Variants in FERMT3 observed in about 807,000 individuals in gnomAD.
FERMT3 encodes fermitin family homolog 3.
Under a neutral mutation model 80.8 loss-of-function variants are expected in FERMT3, and 33 were observed. The ratio of observed to expected loss-of-function variants is 0.41; its 90% confidence interval spans 0.31 to 0.55. The LOEUF is 0.55. Among genes scored for constraint, FERMT3 ranks in the 20% least tolerant of loss-of-function variants. The probability of loss-of-function intolerance (pLI) is 0.31; values close to 1 mark genes in which losing one functional copy is unlikely to be tolerated. For missense variants in FERMT3, 754 were observed against 908.7 expected (o/e 0.83, Z 2.19); for synonymous variants, 375 against 372.2 (o/e 1.01, Z -0.09).
chr11:64,221,029 T>A lies in FERMT3; in HGVS notation c.1559T>A (p.Ile520Asn). Residue 520 changes from isoleucine (I) to asparagine (N), a missense_variant, in exon 13 of 15, where the codon ATC becomes AAC. Transcript: ENST00000345728. ...KFKAKQLTPR[I>N]LEAHQNVAQL... ...ATGGTCCCGCAGCTCACCCCACGGA[T>A]CCTGGAAGCCCACCAGAATGTGGCC... The A allele has an allele frequency of 1.9e-6, 3 of 1,612,618 alleles. No homozygotes were observed. The highest frequency in any genetic ancestry group is 2.5e-6 in the Non-Finnish European group (3 of 1,179,970).
At chr11:64,222,982 A>G in intron 13 of FERMT3, 66 bp from the exon 14 acceptor site, 3 of 1,603,828 alleles carry the variant, frequency 1.9e-6, no homozygotes, top group Non-Finnish European at 2.6e-6. Flanking sequence ...ACGGCGCCAC[A>G]TTGTCTGGGC....
chr11:64,212,121 G>A (rs923212902), intron 6 of FERMT3, among the ~76,000 whole-genome samples: 1 of 152,204 alleles, frequency 6.6e-6, no homozygotes, highest in South Asian at 2.1e-4. Flanking sequence ...CTCTGGGAAG[G>A]CTTCCTGGAG....
chr11:64,217,318 G>T (rs1946572910), intron 6 of FERMT3, among the ~76,000 whole-genome samples: 1 of 152,188 alleles, frequency 6.6e-6, no homozygotes, highest in Non-Finnish European at 1.5e-5. Context: ...GGGAGGCCAA[G>T]GCAGGTGGAT....
At chr11:64,216,795 CAAAAAA>C (rs756054156) in intron 6 of FERMT3, among the ~76,000 whole-genome samples, 4 of 35,178 alleles carry the variant, frequency 1.1e-4, no homozygotes, top group Non-Finnish European at 2.4e-4. Flanking sequence ...GACTCCATCT[CAAAAAA>C]AAAAAAAAAA....
At chr11:64,218,445 A>T (rs4587731) in intron 6 of FERMT3, among the ~76,000 whole-genome samples, 5,799 of 152,210 alleles carry the variant, frequency 0.038, 368 homozygotes, top group African/African-American at 0.13. Flanking sequence ...CTGGGACTAC[A>T]GGCACGCACC....
intron 6 of FERMT3, among the ~76,000 whole-genome samples, chr11:64,215,962 G>C (rs1188002473): frequency 6.6e-6 from 1 of 151,802 alleles, no homozygotes; most frequent in African/African-American, 2.4e-5. Flanking sequence ...CTCCTGAGTA[G>C]CTGGGATTAT....
At chr11:64,218,026 CG>C (rs1161504612) in intron 6 of FERMT3, among the ~76,000 whole-genome samples, 473 of 111,808 alleles carry the variant, frequency 4.2e-3, no homozygotes, top group African/African-American at 0.015. Flanking sequence ...TTTTTTGTGA[CG>C]GAGTCTCGCT....
rs1382227087 is a variant in FERMT3 at position 64,220,208 on chromosome 11, C to T, written c.1205-12C>T. 8 of 1,613,138 alleles carry T rather than the reference C, an allele frequency of 5.0e-6. No homozygotes were observed. The South Asian group carries it at 7.7e-5, about 15-fold the overall frequency. On this transcript the variant is annotated splice_polypyrimidine_tract_variant and intron_variant, in intron 10 of 14. Coordinates refer to ENST00000345728, the MANE Select transcript of FERMT3 (RefSeq NM_031471.6). The stretch of plus-strand genomic sequence containing the variant: ...CTCCCGACCTCCTAGACCACCCCTT[C>T]TCTCCCTCCAGGCTGTGAGGTGGTT...
intron 2 of FERMT3, among the ~76,000 whole-genome samples, chr11:64,208,555 C>T (rs11600628): frequency 0.11 from 16,560 of 152,262 alleles, 1,148 homozygotes; most frequent in Non-Finnish European, 0.16. Context: ...CGGGCCAGTC[C>T]CTGGCCTCCT....
chr11:64,213,341 A>G (rs1946483116), intron 6 of FERMT3, among the ~76,000 whole-genome samples: 1 of 148,614 alleles, frequency 6.7e-6, no homozygotes, highest in Non-Finnish European at 1.5e-5. Flanking sequence ...GAGTTTCACC[A>G]TATTGGTCAG....
chr11:64,223,711 G>C lies in FERMT3; in HGVS notation c.*219G>C. The C allele has an allele frequency of 1.3e-6, 1 of 753,034 alleles. No homozygotes were observed. Among genetic ancestry groups the C allele is most frequent in the Non-Finnish European group, 2.1e-6 (1 of 466,484 alleles). 46.6% of individuals were successfully genotyped at this position (753,034 alleles called of 1,614,324 possible). ...GGGGTGGGGGTCCCTGAGCTCATGT[G>C]GTGCCCCCTTTCCTTGTCTGAGTGG... is the stretch of plus-strand genomic sequence containing the variant. On this transcript the variant is annotated 3_prime_UTR_variant, in exon 15 of 15. Coordinates refer to ENST00000345728, the MANE Select transcript of FERMT3 (RefSeq NM_031471.6).
intron 6 of FERMT3, among the ~76,000 whole-genome samples, chr11:64,213,588 G>T (rs1380098721): frequency 1.7e-5 from 2 of 115,752 alleles, no homozygotes; most frequent in Non-Finnish European, 3.3e-5. Flanking sequence ...ATGGAGTCTT[G>T]CTCTTGTTGC....
intron 13 of FERMT3, among the ~76,000 whole-genome samples, 161 bp downstream of exon 13, chr11:64,221,301 G>A (rs571897303): frequency 6.6e-6 from 1 of 152,296 alleles, no homozygotes; most frequent in Admixed American, 6.5e-5. Flanking sequence ...CCCCATGTGT[G>A]CCCCTCATGC....
chr11:64,222,687 T>C (rs1946733869), intron 13 of FERMT3, among the ~76,000 whole-genome samples: 1 of 152,140 alleles, frequency 6.6e-6, no homozygotes, highest in African/African-American at 2.4e-5. Context: ...AAGACAGGGC[T>C]AGCGGTGGAT....
intron 6 of FERMT3, among the ~76,000 whole-genome samples, chr11:64,216,628 C>G (rs1397133559): frequency 1.3e-5 from 2 of 150,468 alleles, no homozygotes; most frequent in Non-Finnish European, 3.0e-5. Flanking sequence ...AACCCTGTCT[C>G]TACTAAAAAT....
At position 64,210,908 on chromosome 11, in the gene FERMT3, T is replaced by G. The variant is rs1946421257; in HGVS notation, c.394+64T>G. ...ATGCAAAGAGGCAGGTTCCCCCGTT[T>G]CCAGGCCCAGCTCTGTTGACGCTGT... On this transcript the variant is annotated intron_variant, in intron 3 of 14. Transcript: ENST00000345728. This position sits in a 1 kb window ranked among gnomAD's most constrained non-coding sequence, Gnocchi z 4.3. 1.2e-6 allele frequency: 2 copies of G among 1,609,294 alleles called. No homozygotes were observed. Among genetic ancestry groups the G allele is most frequent in the South Asian group, 1.1e-5 (1 of 91,008 alleles).
rs749484815 is a variant in FERMT3 at position 64,211,184 on chromosome 11, G to C, written c.514+13G>C. ...GTCTTGGCTGGGGGTGAGTGCAAGT[G>C]GGGGTGGGCCTGGGGGGTTGGGGGC... On this transcript the variant is annotated intron_variant, in intron 4 of 14. Coordinates refer to ENST00000345728, the MANE Select transcript of FERMT3 (RefSeq NM_031471.6). The surrounding 1 kb of genome is among the most constrained non-coding windows in gnomAD (Gnocchi z 4.7). 6 of 1,551,778 alleles carry C rather than the reference G, an allele frequency of 3.9e-6. No homozygotes were observed. The highest frequency in any genetic ancestry group is 2.4e-5 in the East Asian group (1 of 41,578).
chr11:64,208,858 G>A (rs1946375561), intron 2 of FERMT3, among the ~76,000 whole-genome samples: 1 of 152,162 alleles, frequency 6.6e-6, no homozygotes, highest in Non-Finnish European at 1.5e-5. Flanking sequence ...CCTCCAGAAG[G>A]GGTCTAGACT....
intron 2 of FERMT3, among the ~76,000 whole-genome samples, chr11:64,208,591 C>T (rs1946369132): frequency 6.6e-6 from 1 of 152,236 alleles, no homozygotes; most frequent in African/African-American, 2.4e-5. Flanking sequence ...GAGACTGACC[C>T]ATGGGGGCTG....
Sources: gnomAD v4.1 joint callset for allele counts (sites outside exome capture counted in the v4.1 genomes callset) on GRCh38, gnomAD v4.1.1 for gene constraint, Gnocchi (gnomAD v3.1) non-coding constraint, MANE v1.5 for transcripts, NCBI Gene and HGNC (gene_info 2026-07-23, HGNC 2026-07-21) for gene names.